GALNTL6: variants seen among roughly 807,000 people sequenced by gnomAD.
GALNTL6 encodes the protein polypeptide N-acetylgalactosaminyltransferase like 6.
Under a neutral mutation model 73.7 loss-of-function variants are expected in GALNTL6, and 46 were observed. The ratio of observed to expected loss-of-function variants is 0.62; its 90% CI spans 0.49 to 0.80. The LOEUF (loss-of-function observed/expected upper bound fraction) is 0.80. Ranked by LOEUF, GALNTL6 falls within the 30% of genes least tolerant of loss-of-function variation. The pLI is 0.00. For synonymous variants in GALNTL6, 259 were observed against 263.7 expected (o/e 0.98, Z 0.17); for missense variants, 604 against 755.0 (o/e 0.80, Z 2.34).
chr4:171,953,221 C>T (rs984149054), intron 2 of GALNTL6, among the ~76,000 whole-genome samples: 11 of 120,120 alleles, frequency 9.2e-5, no homozygotes, highest in Admixed American at 9.7e-5. Context: ...TGTGCGCATG[C>T]GCACGTGTGT....
chr4:172,766,923 T>C (rs1283514672), intron 5 of GALNTL6, among the ~76,000 whole-genome samples: 1 of 152,206 alleles, frequency 6.6e-6, no homozygotes, highest in Admixed American at 6.5e-5. Flanking sequence ...TCCATATGCA[T>C]TGGTAGAAGC....
rs114782943 is a variant in GALNTL6, at chr4:171,989,717, A to G, written c.138+174999A>G. Among the ~76,000 whole-genome samples, 880 of 152,262 alleles carry G rather than the reference A, an allele frequency of 5.8e-3. 5 individuals are homozygous for G. Among genetic ancestry groups the G allele is most frequent in the African/African-American group, 0.02 (825 of 41,548 alleles). ...TTGTGGGGTTTGAGGTCTGGAATTTAATTTTTGCAGTTTTATTTAATGTCA... is the reference window on the plus strand; with the variant it reads ...TTGTGGGGTTTGAGGTCTGGAATTTGATTTTTGCAGTTTTATTTAATGTCA... On this transcript the variant is annotated intron_variant, in intron 2 of 12. Coordinates refer to ENST00000506823, the MANE Select transcript of GALNTL6 (RefSeq NM_001034845.3).
chr4:172,289,117 A>G (rs908801654), intron 3 of GALNTL6, among the ~76,000 whole-genome samples: 2 of 152,108 alleles, frequency 1.3e-5, no homozygotes, highest in African/African-American at 4.8e-5. Context: ...ATCCTTCTGT[A>G]TGTGTTTCAT....
At chr4:173,037,998 C>G (rs1303923930) in intron 12 of GALNTL6, among the ~76,000 whole-genome samples, 1 of 152,212 alleles carries the variant, frequency 6.6e-6, no homozygotes, top group African/African-American at 2.4e-5. Context: ...CCGCCATGGC[C>G]TCCCAAAGTG....
At chr4:172,305,083 G>A (rs1210098473) in intron 3 of GALNTL6, among the ~76,000 whole-genome samples, 2 of 151,890 alleles carry the variant, frequency 1.3e-5, no homozygotes, top group Non-Finnish European at 2.9e-5. Context: ...TTTGGATAGG[G>A]GTTATACTAT....
chr4:171,967,538 G>T (rs1289163152), intron 2 of GALNTL6, among the ~76,000 whole-genome samples: 1 of 147,516 alleles, frequency 6.8e-6, no homozygotes, highest in Admixed American at 6.9e-5. Context: ...CTTTGAAAAG[G>T]TTGTTCTTTA....
intron 5 of GALNTL6, among the ~76,000 whole-genome samples, chr4:172,763,638 A>G (rs1178124245): frequency 2.0e-5 from 3 of 152,256 alleles, no homozygotes; most frequent in African/African-American, 7.2e-5. Flanking sequence ...CATCGTATCT[A>G]TGGAGCTTGT....
At chr4:172,257,067 A>AT (rs1179561532) in intron 3 of GALNTL6, among the ~76,000 whole-genome samples, 3 of 151,278 alleles carry the variant, frequency 2.0e-5, no homozygotes, top group Non-Finnish European at 4.4e-5. Context: ...GTCTGTTCAC[A>AT]TTTTTTTCCT....
At chr4:172,562,713 A>G (rs751915583) in intron 5 of GALNTL6, among the ~76,000 whole-genome samples, 5 of 152,228 alleles carry the variant, frequency 3.3e-5, no homozygotes. Flanking sequence ...GTAATCACGG[A>G]TCATTCACTG....
chr4:172,057,578 A>T (rs1731053682), intron 2 of GALNTL6, among the ~76,000 whole-genome samples: 1 of 149,816 alleles, frequency 6.7e-6, no homozygotes, highest in African/African-American at 2.5e-5. Context: ...GTGGTGGTAT[A>T]CTCCTGTAGT....
At position 172,568,922 on chromosome 4, in the gene GALNTL6, T is replaced by C. The variant is rs188975329; in HGVS notation, c.553+220233T>C. ...ATGAGATCTTCTTGTGATTTTTTTT[T>C]TTAGCTCATTATCTACTGTTAGTGT... On this transcript the variant is annotated intron_variant, in intron 5 of 12. Transcript: ENST00000506823. Among the ~76,000 whole-genome samples, 7 of 152,254 alleles carry C rather than the reference T, an allele frequency of 4.6e-5. No individual in the cohort carries two copies. In the East Asian group the frequency reaches 1.4e-3, roughly 29 times the overall value.
chr4:172,188,463 G>C (rs1735478316), intron 2 of GALNTL6, among the ~76,000 whole-genome samples: 1 of 152,188 alleles, frequency 6.6e-6, no homozygotes, highest in East Asian at 1.9e-4. Flanking sequence ...AAACAGTGGG[G>C]ACACAGTGGA....
At chr4:171,834,908 G>A (rs184081197) in intron 2 of GALNTL6, among the ~76,000 whole-genome samples, 1 of 152,082 alleles carries the variant, frequency 6.6e-6, no homozygotes, top group Non-Finnish European at 1.5e-5. Flanking sequence ...TGGAGTTATT[G>A]TAATTGAAGA....
intron 3 of GALNTL6, among the ~76,000 whole-genome samples, chr4:172,236,796 G>A (rs1003639817): frequency 2.6e-5 from 4 of 151,890 alleles, no homozygotes; most frequent in African/African-American, 9.7e-5. Context: ...GGGGTTTGGT[G>A]TACATGTTGT....
intron 5 of GALNTL6, among the ~76,000 whole-genome samples, chr4:172,496,531 T>C (rs543012745): frequency 1.3e-5 from 2 of 151,456 alleles, no homozygotes; most frequent in South Asian, 4.2e-4. Context: ...AGCTACAAAA[T>C]AAAAAATAAA....
At position 172,136,044 on chromosome 4, in the gene GALNTL6, T is replaced by C. The variant is rs889322848; in HGVS notation, c.139-93612T>C. Among the ~76,000 whole-genome samples the C allele has an allele frequency of 2.0e-5, 3 of 152,302 alleles. No individual in the cohort carries two copies. In the East Asian group the frequency reaches 5.8e-4, roughly 29 times the overall value. ...TCTTGTTTTTAGTTAGGAAATAATT[T>C]CAGTTTCTAATGCTTAGCTGTGCGT... On this transcript the variant is annotated intron_variant, in intron 2 of 12. Transcript: ENST00000506823.
At chr4:172,774,696 A>G (rs560225846) in intron 5 of GALNTL6, among the ~76,000 whole-genome samples, 6 of 152,268 alleles carry the variant, frequency 3.9e-5, no homozygotes, top group African/African-American at 1.4e-4. Flanking sequence ...CTTGTGGCTC[A>G]CACCTGCAAT....
intron 10 of GALNTL6, among the ~76,000 whole-genome samples, chr4:172,970,974 G>A (rs1055068519): frequency 9.2e-5 from 14 of 152,200 alleles, no homozygotes; most frequent in African/African-American, 3.4e-4. Context: ...AATTATGAAA[G>A]TATTAATGTG....
At chr4:172,151,652 G>T (rs1048341147) in intron 2 of GALNTL6, among the ~76,000 whole-genome samples, 1 of 152,040 alleles carries the variant, frequency 6.6e-6, no homozygotes, top group East Asian at 1.9e-4. Context: ...AGAAGATTTT[G>T]AAAAATCCAG....
Sources: allele counts gnomAD v4.1 joint callset (sites outside exome capture counted in the v4.1 genomes callset), GRCh38; gene constraint gnomAD v4.1.1; transcripts MANE v1.5; gene names NCBI Gene and HGNC (gene_info 2026-07-23, HGNC 2026-07-21).